Variants in ROR1 observed in about 807,000 individuals in gnomAD.
The protein encoded by ROR1 is inactive tyrosine-protein kinase transmembrane receptor ROR1.
In ROR1, 19 loss-of-function variants were observed where a neutral mutation model predicts 78.8. The observed-to-expected ratio is 0.24, with a 90% confidence interval of 0.17 to 0.35. The LOEUF is 0.35. Ranked by LOEUF, ROR1 falls within the 10% of genes least tolerant of loss-of-function variation. ROR1 has a pLI of 1.00. For synonymous variants in ROR1, 386 were observed against 433.6 expected (o/e 0.89, Z 1.36); for missense variants, 917 against 1,177.8 (o/e 0.78, Z 3.24).
intron 1 of ROR1, among the ~76,000 whole-genome samples, chr1:63,839,763 A>T (rs1329460512): frequency 1.3e-5 from 2 of 151,998 alleles, no homozygotes; most frequent in Non-Finnish European, 2.9e-5. Context: ...CTTAATACAT[A>T]ATACTATTTT....
intron 1 of ROR1, among the ~76,000 whole-genome samples, chr1:63,906,549 C>T (rs1420392251): frequency 3.3e-5 from 5 of 152,192 alleles, no homozygotes; most frequent in Non-Finnish European, 2.9e-5. Context: ...AGGTTAAGCG[C>T]TGCAGTCTGC....
intron 1 of ROR1, among the ~76,000 whole-genome samples, chr1:63,814,875 G>C (rs1291919400): frequency 6.6e-6 from 1 of 152,164 alleles, no homozygotes; most frequent in Non-Finnish European, 1.5e-5. Flanking sequence ...CCTGGCCTAA[G>C]GGACCAGGAC....
intron 1 of ROR1, among the ~76,000 whole-genome samples, chr1:63,940,662 T>C (rs1557573450): frequency 6.6e-6 from 1 of 152,102 alleles, no homozygotes; most frequent in Non-Finnish European, 1.5e-5. Flanking sequence ...AACCCTAGAA[T>C]TGTTGGGCAA....
chr1:64,036,638 T>C (rs1260914087), intron 2 of ROR1, among the ~76,000 whole-genome samples: 1 of 152,240 alleles, frequency 6.6e-6, no homozygotes, highest in African/African-American at 2.4e-5. Flanking sequence ...CACAAGATAC[T>C]TCTCCAATAA....
chr1:63,878,971 T>C (rs550063552), intron 1 of ROR1, among the ~76,000 whole-genome samples: 13 of 152,238 alleles, frequency 8.5e-5, no homozygotes, highest in African/African-American at 3.1e-4. Flanking sequence ...AATTAATTAA[T>C]TTCCTCTAAA....
chr1:63,984,441 C>A (rs1420525930), intron 1 of ROR1, among the ~76,000 whole-genome samples: 3 of 152,076 alleles, frequency 2.0e-5, no homozygotes, highest in Non-Finnish European at 4.4e-5. Context: ...GAGGGTGCCA[C>A]GTGGAATAGG....
intron 1 of ROR1, among the ~76,000 whole-genome samples, chr1:63,952,583 C>T (rs1025227861): frequency 3.3e-5 from 5 of 152,136 alleles, no homozygotes; most frequent in African/African-American, 7.2e-5. Flanking sequence ...CTTTGACAGA[C>T]CAGTGCTGCC....
intron 2 of ROR1, 48 bp downstream of exon 2, chr1:64,009,424 T>A (rs1202291488): frequency 7.8e-6 from 11 of 1,413,930 alleles, no homozygotes; most frequent in Non-Finnish European, 1.1e-5. Flanking sequence ...GGTGTGGAAC[T>A]GTTTTTAATC....
chr1:64,050,969 A>G (rs2100592559), intron 4 of ROR1, among the ~76,000 whole-genome samples: 1 of 152,296 alleles, frequency 6.6e-6, no homozygotes, highest in South Asian at 2.1e-4. Context: ...ACTGTTTTAG[A>G]AGGAATCTAA....
intron 4 of ROR1, among the ~76,000 whole-genome samples, chr1:64,084,163 G>A (rs1647130978): frequency 6.6e-6 from 1 of 152,152 alleles, no homozygotes. Context: ...TATTTGCTTT[G>A]TTTGAATGGC....
intron 4 of ROR1, among the ~76,000 whole-genome samples, chr1:64,059,078 C>T (rs1646896584): frequency 6.6e-6 from 1 of 151,876 alleles, no homozygotes; most frequent in African/African-American, 2.4e-5. Context: ...GAAATTTTTC[C>T]ATTTCATTGA....
At chr1:63,803,075 G>A (rs1569737015) in intron 1 of ROR1, among the ~76,000 whole-genome samples, 1 of 152,138 alleles carries the variant, frequency 6.6e-6, no homozygotes, top group East Asian at 1.9e-4. Context: ...TCTCAGACTA[G>A]CCATATTTCA....
At chr1:63,855,557 A>T (rs889055895) in intron 1 of ROR1, among the ~76,000 whole-genome samples, 1 of 150,926 alleles carries the variant, frequency 6.6e-6, no homozygotes, top group Non-Finnish European at 1.5e-5. Flanking sequence ...GTTTACTAAT[A>T]TTTATCCTCT....
chr1:63,878,717 C>T (rs1645304528), intron 1 of ROR1, among the ~76,000 whole-genome samples: 1 of 152,086 alleles, frequency 6.6e-6, no homozygotes, highest in South Asian at 2.1e-4. Context: ...CTGTCTGCTC[C>T]ATCTGCTGCC....
intron 2 of ROR1, among the ~76,000 whole-genome samples, chr1:64,031,233 T>G (rs1265699507): frequency 2.0e-5 from 3 of 152,196 alleles, no homozygotes; most frequent in Admixed American, 6.5e-5. Flanking sequence ...ACTAACAAAA[T>G]TGACTTGGTT....
intron 1 of ROR1, among the ~76,000 whole-genome samples, chr1:63,867,745 C>A (rs1313358677): frequency 6.6e-6 from 1 of 152,206 alleles, no homozygotes; most frequent in African/African-American, 2.4e-5. Flanking sequence ...TGCCCCTGAC[C>A]ACTTGTCCTT....
intron 4 of ROR1, among the ~76,000 whole-genome samples, chr1:64,122,907 A>C (rs1648592595): frequency 6.6e-6 from 1 of 152,142 alleles, no homozygotes; most frequent in African/African-American, 2.4e-5. Context: ...GCTCCGGGTG[A>C]AGTTGAAGTT....
intron 4 of ROR1, among the ~76,000 whole-genome samples, chr1:64,070,194 A>C (rs1330316707): frequency 6.6e-6 from 1 of 152,164 alleles, no homozygotes; most frequent in East Asian, 1.9e-4. Flanking sequence ...TAATGTGTTC[A>C]AGGTTCATCC....
chr1:64,156,759 A>G (rs12023447), intron 7 of ROR1, among the ~76,000 whole-genome samples: 40,647 of 150,556 alleles, frequency 0.27, 5,768 homozygotes, highest in East Asian at 0.36. Flanking sequence ...ATTTGGCAAA[A>G]CTTCAGTGTT....
Sources: allele counts gnomAD v4.1 joint callset (sites outside exome capture counted in the v4.1 genomes callset), GRCh38; gene constraint gnomAD v4.1.1; transcripts MANE v1.5; gene names NCBI Gene and HGNC (gene_info 2026-07-23, HGNC 2026-07-21).